The following GPC4 variants were observed in gnomAD, a reference collection of about 807,000 sequenced individuals.
The protein encoded by GPC4 is glypican 4.
Under a neutral mutation model 35.0 loss-of-function variants are expected in GPC4, and 10 were observed. The ratio of observed to expected loss-of-function variants is 0.29; its 90% CI spans 0.18 to 0.48. The LOEUF is 0.48. Among genes scored for constraint, GPC4 ranks in the 20% least tolerant of loss-of-function variants. The probability of loss-of-function intolerance (pLI) is 0.99; values close to 1 mark genes in which losing one functional copy is unlikely to be tolerated. For missense variants in GPC4, 322 were observed against 451.3 expected, an observed-to-expected ratio of 0.71 and a Z score of 2.60; for synonymous variants, 167 against 170.2, an observed-to-expected ratio of 0.98 and a Z score of 0.15.
chrX:133,407,087 A>AT (rs2068791913), intron 1 of GPC4, among the ~76,000 whole-genome samples: 1 of 105,819 alleles, frequency 9.5e-6, no homozygotes, highest in African/African-American at 3.7e-5. Context: ...AAAAAAAAAA[A>AT]ATACACACAC....
intron 1 of GPC4, among the ~76,000 whole-genome samples, chrX:133,374,748 C>A (rs1262103651): frequency 8.9e-6 from 1 of 112,183 alleles, no homozygotes; most frequent in Non-Finnish European, 1.9e-5. Context: ...TCATATTCTG[C>A]TCTGAGTCTA....
chrX:133,383,916 C>A (rs1036322891), intron 1 of GPC4, among the ~76,000 whole-genome samples: 3 of 111,940 alleles, frequency 2.7e-5, no homozygotes, highest in African/African-American at 9.7e-5. Context: ...TGTAGGTTCA[C>A]TGACTGTAAC....
chrX:133,347,592 A>G (rs1016483461), intron 1 of GPC4, among the ~76,000 whole-genome samples: 2 of 111,131 alleles, frequency 1.8e-5, no homozygotes, highest in Non-Finnish European at 3.8e-5. Context: ...GCAGGTTGCT[A>G]TATAACTCCA....
chrX:133,312,577 C>T (rs999035315), intron 3 of GPC4, among the ~76,000 whole-genome samples: 1 of 105,668 alleles, frequency 9.5e-6, no homozygotes, highest in Non-Finnish European at 1.9e-5. Context: ...TGCAGCGAGC[C>T]GAGATCTCAC....
At chrX:133,350,582 T>C (rs1294147634) in intron 1 of GPC4, among the ~76,000 whole-genome samples, 1 of 111,226 alleles carries the variant, frequency 9.0e-6, no homozygotes, top group African/African-American at 3.3e-5. Context: ...AAAACAGTGA[T>C]CCATGCAAAC....
chrX:133,408,407 GTA>G (rs2068798772), intron 1 of GPC4, among the ~76,000 whole-genome samples: 1 of 112,164 alleles, frequency 8.9e-6, no homozygotes, highest in Non-Finnish European at 1.9e-5. Flanking sequence ...TTAAAGAAGT[GTA>G]TCTCAAGGCA....
At chrX:133,373,726 T>C (rs957443085) in intron 1 of GPC4, among the ~76,000 whole-genome samples, 7 of 111,809 alleles carry the variant, frequency 6.3e-5, no homozygotes, top group African/African-American at 2.3e-4. Flanking sequence ...CTGGAGTCTC[T>C]AGAATAGGAA....
intron 1 of GPC4, among the ~76,000 whole-genome samples, chrX:133,393,495 GA>G (rs112191308): frequency 0.033 from 2,803 of 85,020 alleles, 111 homozygotes; most frequent in African/African-American, 0.11. Context: ...CTTAGAGAGA[GA>G]AAAAAAAAAA....
intron 1 of GPC4, among the ~76,000 whole-genome samples, chrX:133,341,566 A>C (rs190056294): frequency 4.5e-5 from 5 of 111,164 alleles, no homozygotes; most frequent in Non-Finnish European, 7.5e-5. Context: ...TACTCACCTA[A>C]TGTTAACAGG....
rs1429550406 is a variant in GPC4, at chrX:133,300,986, TA to T, written c.*1880del. ...TATAAATGGAGTGCCTTTTCAATTTTATGTCTTCTGATTTGTTTTAAAAAAA... is the reference window on the plus strand; with the variant it reads ...TATAAATGGAGTGCCTTTTCAATTTTTGTCTTCTGATTTGTTTTAAAAAAA... On this transcript the variant is annotated 3_prime_UTR_variant, in exon 9 of 9. Coordinates refer to ENST00000370828, the MANE Select transcript of GPC4 (RefSeq NM_001448.3). The T allele has an allele frequency of 9.0e-6, 1 of 111,602 alleles. No individual in the cohort carries two copies. The highest frequency in any genetic ancestry group is 1.9e-5 in the Non-Finnish European group (1 of 53,124). The allele number at this position is 111,602 out of a possible 1,213,427, so 9.2% of individuals were successfully genotyped here. A position where few individuals can be genotyped will look rare whatever the true frequency, so the allele number is the denominator to read the frequency against.
At chrX:133,366,354 CACTT>C (rs1355654585) in intron 1 of GPC4, among the ~76,000 whole-genome samples, 2 of 111,790 alleles carry the variant, frequency 1.8e-5, no homozygotes, top group East Asian at 5.6e-4. Flanking sequence ...AATACTGTCT[CACTT>C]ATAGAGCACA....
chrX:133,310,553 T>C (rs2068310443), intron 4 of GPC4, among the ~76,000 whole-genome samples: 1 of 111,856 alleles, frequency 8.9e-6, no homozygotes, highest in Non-Finnish European at 1.9e-5. Context: ...CAGGAATATG[T>C]ATCCCTTAAA....
At chrX:133,309,896 T>C (rs2068306924) in intron 4 of GPC4, among the ~76,000 whole-genome samples, 1 of 112,395 alleles carries the variant, frequency 8.9e-6, no homozygotes, top group African/African-American at 3.2e-5. Context: ...GGGCATGATG[T>C]GCCATTTGGC....
chrX:133,368,618 A>T (rs1428232455), intron 1 of GPC4, among the ~76,000 whole-genome samples: 1 of 111,146 alleles, frequency 9.0e-6, no homozygotes, highest in Non-Finnish European at 1.9e-5. Context: ...ATAAAGAAAA[A>T]TTACTTCAAT....
At chrX:133,408,176 C>A (rs1436276277) in intron 1 of GPC4, among the ~76,000 whole-genome samples, 1 of 112,477 alleles carries the variant, frequency 8.9e-6, no homozygotes, top group Non-Finnish European at 1.9e-5. Flanking sequence ...AGATGTTTAA[C>A]CAAGTAGATT....
chrX:133,337,563 AT>A (rs941430148), intron 2 of GPC4, among the ~76,000 whole-genome samples: 7 of 110,580 alleles, frequency 6.3e-5, no homozygotes, highest in African/African-American at 9.8e-5. Flanking sequence ...TAAAGAGCAG[AT>A]TTTTTTTTCC....
At chrX:133,315,965 GA>G (rs748779513) in intron 3 of GPC4, among the ~76,000 whole-genome samples, 4 of 111,143 alleles carry the variant, frequency 3.6e-5, no homozygotes, top group Non-Finnish European at 7.6e-5. Context: ...GAAGAAATGG[GA>G]AAAGAAAAAC....
At chrX:133,328,531 T>C (rs1285626288) in intron 2 of GPC4, among the ~76,000 whole-genome samples, 1 of 111,541 alleles carries the variant, frequency 9.0e-6, no homozygotes, top group African/African-American at 3.3e-5. Flanking sequence ...ACTTCTACAA[T>C]GAGGAATGAA....
chrX:133,306,212 C>T, intron 4 of GPC4, 58 bp from the exon 5 acceptor site: 1 of 1,167,056 alleles, frequency 8.6e-7, no homozygotes, highest in African/African-American at 1.8e-5. Context: ...TTAGTTTGGC[C>T]TTGGGTAAAT....
Sources: gnomAD v4.1 joint callset for allele counts (sites outside exome capture counted in the v4.1 genomes callset) on GRCh38, gnomAD v4.1.1 for gene constraint, MANE v1.5 for transcripts, NCBI Gene and HGNC (gene_info 2026-07-23, HGNC 2026-07-21) for gene names.